Variants in MYO16 observed in about 807,000 individuals in gnomAD.
MYO16 encodes the protein myosin XVI, also known as unconventional myosin-XVI.
In MYO16, 94 loss-of-function variants were observed where a neutral mutation model predicts 205.3. The observed-to-expected ratio is 0.46, with a 90% CI of 0.39 to 0.54. MYO16 has a LOEUF of 0.54. MYO16 is among the 20% of genes least tolerant of loss of function. MYO16 has a pLI of 0.00. For missense variants in MYO16, 2,315 were observed against 2,387.5 expected (o/e 0.97, Z 0.63); for synonymous variants, 988 against 954.0 (o/e 1.04, Z -0.66).
At chr13:109,023,511 A>C (rs1886199816) in intron 23 of MYO16, among the ~76,000 whole-genome samples, 1 of 113,934 alleles carries the variant, frequency 8.8e-6, no homozygotes, top group Non-Finnish European at 1.7e-5. Flanking sequence ...AGATATAAAT[A>C]TATATATTTA....
intron 4 of MYO16, among the ~76,000 whole-genome samples, chr13:108,730,409 C>T (rs754818326): frequency 1.5e-4 from 23 of 152,152 alleles, no homozygotes; most frequent in East Asian, 3.9e-4. Context: ...TTCATAGCAG[C>T]GTGAGAACAG....
chr13:108,724,729 C>A (rs1430567071), intron 3 of MYO16, among the ~76,000 whole-genome samples: 1 of 152,134 alleles, frequency 6.6e-6, no homozygotes, highest in Non-Finnish European at 1.5e-5. Context: ...TGGCATCCTA[C>A]CCATTCACAT....
At chr13:108,657,869 A>G (rs2139416368) in intron 1 of MYO16, among the ~76,000 whole-genome samples, 1 of 152,292 alleles carries the variant, frequency 6.6e-6, no homozygotes, top group South Asian at 2.1e-4. Context: ...AGGTAGAATA[A>G]AAGCAGCAAT....
At chr13:108,876,759 C>T (rs1045834384) in intron 12 of MYO16, among the ~76,000 whole-genome samples, 6 of 151,654 alleles carry the variant, frequency 4.0e-5, no homozygotes, top group Admixed American at 1.3e-4. Context: ...CTCTGCCTCC[C>T]AGGTTCAAGC....
At position 109,106,179 on chromosome 13, in the gene MYO16, A is replaced by G. The variant is rs571912146; in HGVS notation, c.3438+5292A>G. The stretch of plus-strand genomic sequence containing the variant: ...GTTTTCTTTATGAAACGAAGAGTTC[A>G]TGGATTACCTCACTATGGAAAAATA... On this transcript the variant is annotated intron_variant, in intron 28 of 34. Transcript: ENST00000457511. 1.1e-4 allele frequency among the ~76,000 whole-genome samples: 16 copies of G among 152,372 alleles called. No homozygotes were observed. The South Asian group carries it at 3.3e-3, about 32-fold the overall frequency.
intron 27 of MYO16, among the ~76,000 whole-genome samples, chr13:109,075,773 T>C (rs1176831955): frequency 3.9e-5 from 6 of 152,218 alleles, no homozygotes; most frequent in Non-Finnish European, 7.3e-5. Context: ...GATTGCTTTT[T>C]CGAGTTCTTT....
intron 2 of MYO16, among the ~76,000 whole-genome samples, chr13:108,677,836 A>G (rs1882298084): frequency 6.6e-6 from 1 of 152,254 alleles, no homozygotes; most frequent in Non-Finnish European, 1.5e-5. Context: ...AATGAATGCT[A>G]CAGCTCAGGT....
At chr13:109,169,433 T>G (rs974350726) in intron 33 of MYO16, among the ~76,000 whole-genome samples, 5 of 152,172 alleles carry the variant, frequency 3.3e-5, no homozygotes, top group Non-Finnish European at 7.4e-5. Flanking sequence ...TAAAAAATTA[T>G]CTTTGAAAAC....
chr13:108,671,427 C>G (rs1218362207), intron 2 of MYO16, among the ~76,000 whole-genome samples: 2 of 152,118 alleles, frequency 1.3e-5, no homozygotes, highest in African/African-American at 4.8e-5. Flanking sequence ...AGGGAAATAT[C>G]CTCAGCAAGG....
At chr13:109,046,788 G>T in intron 23 of MYO16, 128 bp from the exon 24 acceptor site, 1 of 726,764 alleles carries the variant, frequency 1.4e-6, no homozygotes. Flanking sequence ...AACGTGAACT[G>T]TAAGACCTGA....
intron 11 of MYO16, among the ~76,000 whole-genome samples, chr13:108,865,517 TC>T (rs2139123802): frequency 6.6e-6 from 1 of 151,614 alleles, no homozygotes; most frequent in Non-Finnish European, 1.5e-5. Context: ...TTCATCCTTT[TC>T]CCTTTTTTTT....
intron 4 of MYO16, among the ~76,000 whole-genome samples, chr13:108,784,441 C>A (rs1486822578): frequency 6.6e-6 from 1 of 152,074 alleles, no homozygotes; most frequent in African/African-American, 2.4e-5. Context: ...AGAAACTCAA[C>A]TTATCTTGGG....
chr13:108,776,577 C>G (rs976975134), intron 4 of MYO16, among the ~76,000 whole-genome samples: 1 of 152,168 alleles, frequency 6.6e-6, no homozygotes, highest in African/African-American at 2.4e-5. Flanking sequence ...GTATCCTTAT[C>G]TGTAGCACTC....
upstream of MYO16, among the ~76,000 whole-genome samples, chr13:108,592,568 G>A (rs569717622): frequency 1.9e-3 from 286 of 148,490 alleles, 2 homozygotes; most frequent in African/African-American, 6.7e-3. Context: ...ATGGAGTGAG[G>A]TGGAGGCTGT....
At chr13:108,767,935 A>C (rs1337932) in intron 4 of MYO16, among the ~76,000 whole-genome samples, 1 of 152,174 alleles carries the variant, frequency 6.6e-6, no homozygotes, top group African/African-American at 2.4e-5. Flanking sequence ...TGTTAGCTGC[A>C]TACTGTATTG....
At chr13:108,710,787 T>G (rs1241900023) in intron 2 of MYO16, among the ~76,000 whole-genome samples, 2 of 152,250 alleles carry the variant, frequency 1.3e-5, no homozygotes, top group African/African-American at 2.4e-5. Context: ...TGATTGCATT[T>G]TACTAATATT....
intron 1 of MYO16, among the ~76,000 whole-genome samples, chr13:108,623,570 CCACTT>C (rs1879619905): frequency 6.6e-6 from 1 of 152,148 alleles, no homozygotes; most frequent in Admixed American, 6.5e-5. Flanking sequence ...GGGCTATACT[CCACTT>C]CATTTCTTTC....
At chr13:108,710,882 T>C (rs1883692781) in intron 2 of MYO16, among the ~76,000 whole-genome samples, 1 of 152,236 alleles carries the variant, frequency 6.6e-6, no homozygotes, top group Admixed American at 6.5e-5. Context: ...AAAGTCAATA[T>C]TAGTTAATTC....
At chr13:108,767,248 GC>G (rs1279847260) in intron 4 of MYO16, among the ~76,000 whole-genome samples, 7 of 151,886 alleles carry the variant, frequency 4.6e-5, no homozygotes, top group African/African-American at 1.5e-4. Context: ...GACTACAGGC[GC>G]CCGCCACCAT....
Sources: allele counts gnomAD v4.1 joint callset (sites outside exome capture counted in the v4.1 genomes callset), GRCh38; gene constraint gnomAD v4.1.1; transcripts MANE v1.5; gene names NCBI Gene and HGNC (gene_info 2026-07-23, HGNC 2026-07-21).